Variants in CALD1 observed in about 807,000 individuals in gnomAD.
The protein encoded by CALD1 is caldesmon.
Under a neutral mutation model 99.9 loss-of-function variants are expected in CALD1, and 33 were observed. The observed-to-expected ratio is 0.33, with a 90% CI of 0.25 to 0.44. The LOEUF is 0.44. Ranked by LOEUF, CALD1 falls within the 20% of genes least tolerant of loss-of-function variation. The probability of loss-of-function intolerance (pLI) is 1.00; values close to 1 mark genes in which losing one functional copy is unlikely to be tolerated. For missense variants in CALD1, 861 were observed against 962.1 expected, an observed-to-expected ratio of 0.89 and a Z score of 1.39; for synonymous variants, 310 against 325.0, an observed-to-expected ratio of 0.95 and a Z score of 0.50.
At chr7:134,895,300 G>A (rs1414858398) in intron 3 of CALD1, among the ~76,000 whole-genome samples, 4 of 19,490 alleles carry the variant, frequency 2.1e-4, no homozygotes, top group African/African-American at 5.0e-4. Context: ...ATATATGTAT[G>A]TGTGTGTGTG....
chr7:134,964,089 T>C (rs1251653506), intron 13 of CALD1, among the ~76,000 whole-genome samples: 1 of 151,974 alleles, frequency 6.6e-6, no homozygotes, highest in Non-Finnish European at 1.5e-5. Flanking sequence ...CTCAGCTACT[T>C]GGGAGGCTGA....
intron 3 of CALD1, among the ~76,000 whole-genome samples, chr7:134,877,042 A>G (rs1801383746): frequency 6.6e-6 from 1 of 152,188 alleles, no homozygotes; most frequent in East Asian, 1.9e-4. Flanking sequence ...ATGGCCATCG[A>G]AACAGTTCTT....
At chr7:134,894,556 C>A (rs1802428888) in intron 3 of CALD1, among the ~76,000 whole-genome samples, 1 of 152,228 alleles carries the variant, frequency 6.6e-6, no homozygotes, top group Non-Finnish European at 1.5e-5. Flanking sequence ...AGGTGCTCAA[C>A]AAAATGAATT....
the CALD1 span, among the ~76,000 whole-genome samples, chr7:134,730,319 C>T: frequency 1.3e-5 from 2 of 149,504 alleles, no homozygotes; most frequent in African/African-American, 4.9e-5. Context: ...GTAAAGAGAA[C>T]CGAAAGAAAC....
chr7:134,929,646 G>GTA (rs1159515485), intron 4 of CALD1, among the ~76,000 whole-genome samples: 84 of 7,882 alleles, frequency 0.011, 10 homozygotes, highest in Admixed American at 0.019. Context: ...GTGTGTGTGT[G>GTA]TATATATATA....
chr7:134,817,141 T>C (rs912006224), intron 1 of CALD1, among the ~76,000 whole-genome samples: 4 of 152,066 alleles, frequency 2.6e-5, no homozygotes, highest in Non-Finnish European at 1.5e-5. Flanking sequence ...GAGTGCATCT[T>C]TGGAGGAATG....
chr7:134,855,202 G>A (rs1457056024), intron 2 of CALD1, among the ~76,000 whole-genome samples: 1 of 152,212 alleles, frequency 6.6e-6, no homozygotes, highest in African/African-American at 2.4e-5. Context: ...AGGATCTAGG[G>A]TCAGAAAGGT....
intron 3 of CALD1, among the ~76,000 whole-genome samples, chr7:134,924,972 T>C (rs760286050): frequency 1.3e-5 from 2 of 152,204 alleles, no homozygotes; most frequent in African/African-American, 2.4e-5. Flanking sequence ...CCTTCTGCCA[T>C]AATTGTAAGT....
intron 2 of CALD1, among the ~76,000 whole-genome samples, chr7:134,849,198 G>A (rs561826992): frequency 5.3e-5 from 8 of 152,120 alleles, no homozygotes; most frequent in East Asian, 3.9e-4. Flanking sequence ...TTTATTATGC[G>A]GTTTATAGGC....
intron 2 of CALD1, among the ~76,000 whole-genome samples, chr7:134,850,461 G>T (rs2132215267): frequency 6.6e-6 from 1 of 152,170 alleles, no homozygotes; most frequent in Non-Finnish European, 1.5e-5. Flanking sequence ...ACCTTCTCTG[G>T]GCCTCTGTCT....
intron 3 of CALD1, among the ~76,000 whole-genome samples, chr7:134,919,202 T>C (rs933963079): frequency 6.6e-6 from 1 of 152,188 alleles, no homozygotes; most frequent in African/African-American, 2.4e-5. Flanking sequence ...CCGCCTGCCC[T>C]GGAGCAGGAT....
intron 3 of CALD1, among the ~76,000 whole-genome samples, chr7:134,881,551 C>T (rs139971734): frequency 1.4e-4 from 21 of 152,152 alleles, no homozygotes; most frequent in African/African-American, 2.7e-4. Flanking sequence ...ATGCGCATGA[C>T]GTACGTTTAT....
At chr7:134,913,204 T>C (rs1334675140) in intron 3 of CALD1, among the ~76,000 whole-genome samples, 2 of 152,074 alleles carry the variant, frequency 1.3e-5, no homozygotes, top group African/African-American at 4.8e-5. Context: ...ACGTGGAGGT[T>C]GCAGTGAGCC....
At chr7:134,962,994 T>G (rs1808392855) in intron 13 of CALD1, 1 of 450,102 alleles carries the variant, frequency 2.2e-6, no homozygotes, top group Non-Finnish European at 4.5e-6. Context: ...CAGATGTTCA[T>G]ATTTTCTTAA....
intron 3 of CALD1, chr7:134,927,971 AT>A (rs1805169484): frequency 7.0e-6 from 1 of 142,396 alleles, no homozygotes; most frequent in Non-Finnish European, 1.5e-5. Context: ...TTATTAAATA[AT>A]TTTAATAATT....
At chr7:134,756,371 T>C (rs1424092859) in intron 1 of CALD1, among the ~76,000 whole-genome samples, 1 of 151,828 alleles carries the variant, frequency 6.6e-6, no homozygotes, top group East Asian at 1.9e-4. Context: ...TTTTCCTATA[T>C]TTGTAGGTCC....
chr7:134,841,368 C>T (rs920885519), intron 1 of CALD1, among the ~76,000 whole-genome samples: 8 of 152,132 alleles, frequency 5.3e-5, no homozygotes, highest in Non-Finnish European at 1.0e-4. Flanking sequence ...CTAACTAAAA[C>T]CCATCGATCT....
Position 134,963,926 on chromosome 7 carries a change from C to T in CALD1, c.2296-1380C>T, listed in dbSNP as rs571646354. 4.6e-4 allele frequency among the ~76,000 whole-genome samples: 70 copies of T among 152,250 alleles called. 1 individual carries two copies. The South Asian group carries it at 0.013, about 28-fold the overall frequency. ...AGAAAAGGGACTTTGTGGCTGGGCG[C>T]GGTGGCTCACGCCTGTAATCCCAGC... On this transcript the variant is annotated intron_variant, in intron 13 of 14. Coordinates refer to ENST00000361675, the MANE Select transcript of CALD1 (RefSeq NM_033138.4).
intron 2 of CALD1, among the ~76,000 whole-genome samples, chr7:134,845,377 A>C (rs1799810002): frequency 6.6e-6 from 1 of 152,222 alleles, no homozygotes; most frequent in Non-Finnish European, 1.5e-5. Context: ...TGAGTATTAA[A>C]GATGCTTTCT....
Sources: gnomAD v4.1 joint callset for allele counts (sites outside exome capture counted in the v4.1 genomes callset) on GRCh38, gnomAD v4.1.1 for gene constraint, MANE v1.5 for transcripts, NCBI Gene and HGNC (gene_info 2026-07-23, HGNC 2026-07-21) for gene names.